Variants in KIAA0319L observed in about 807,000 individuals in gnomAD.
KIAA0319L encodes the protein KIAA0319 like.
In KIAA0319L, 55 loss-of-function variants were observed where a neutral mutation model predicts 120.1. The ratio of observed to expected loss-of-function variants is 0.46; its 90% CI spans 0.37 to 0.57. The LOEUF (loss-of-function observed/expected upper bound fraction) is 0.57, where lower values mean the gene tolerates loss of function less well. KIAA0319L is among the 20% of genes least tolerant of loss of function. The probability of loss-of-function intolerance (pLI) is 0.00; values close to 1 mark genes in which losing one functional copy is unlikely to be tolerated. For synonymous variants in KIAA0319L, 398 were observed against 471.9 expected, an observed-to-expected ratio of 0.84 and a Z score of 2.03; for missense variants, 1,049 against 1,255.3, an observed-to-expected ratio of 0.84 and a Z score of 2.48.
upstream of KIAA0319L, chr1:35,557,501 C>A (rs898520886): frequency 2.8e-6 from 1 of 357,928 alleles, no homozygotes; most frequent in South Asian, 2.0e-5. Context: ...ATGCCGGCCG[C>A]GAGACCAAGG....
Position 35,437,666 on chromosome 1 carries a change from G to C in KIAA0319L, c.2963-2585C>G, listed in dbSNP as rs1045551861. 1.3e-5 allele frequency among the ~76,000 whole-genome samples: 2 copies of C among 152,024 alleles called. No individual in the cohort carries two copies. Among genetic ancestry groups the C allele is most frequent in the Non-Finnish European group, 2.9e-5 (2 of 68,022 alleles). The stretch of plus-strand genomic sequence containing the variant: ...GGCCTTTGCAGCAGCAAACACCGAC[G>C]GCTGTCCCCTAATGAATCCCCTCCT... On this transcript the variant is annotated intron_variant, in intron 20 of 20. Coordinates refer to ENST00000325722, the MANE Select transcript of KIAA0319L (RefSeq NM_024874.5). This position sits in a 1 kb window ranked among gnomAD's most constrained non-coding sequence, Gnocchi z 4.1.
intron 5 of KIAA0319L, 53 bp from the exon 6 acceptor site, chr1:35,471,013 G>T: frequency 9.9e-7 from 1 of 1,011,840 alleles, no homozygotes. Flanking sequence ...CACACAAAGA[G>T]GACAGCCACA....
At chr1:35,538,831 T>C (rs995532624) in intron 2 of KIAA0319L, among the ~76,000 whole-genome samples, 3 of 152,078 alleles carry the variant, frequency 2.0e-5, no homozygotes, top group African/African-American at 7.2e-5. Flanking sequence ...TTTTTTCTTA[T>C]ACCTCCATTT....
At chr1:35,443,395 G>A (rs2149076914) in intron 17 of KIAA0319L, 2 of 185,940 alleles carry the variant, frequency 1.1e-5, no homozygotes, top group Admixed American at 5.6e-5. Flanking sequence ...AGACAGGCTG[G>A]GCATGGTAGC....
At chr1:35,504,111 C>T (rs1456406639) in intron 3 of KIAA0319L, among the ~76,000 whole-genome samples, 1 of 151,752 alleles carries the variant, frequency 6.6e-6, no homozygotes, top group Non-Finnish European at 1.5e-5. Context: ...GTCTTGAACT[C>T]CTGACCTCAA....
intron 7 of KIAA0319L, 44 bp from the exon 8 acceptor site, chr1:35,462,757 A>C (rs1256540981): frequency 1.4e-6 from 2 of 1,406,550 alleles, no homozygotes; most frequent in East Asian, 4.6e-5. Context: ...GAGGCTTCAG[A>C]AATTACAGGA....
chr1:35,518,546 T>C lies in KIAA0319L; in HGVS notation c.143-11411A>G, dbSNP rs1043927985. Among the ~76,000 whole-genome samples the C allele has an allele frequency of 2.0e-5, 3 of 152,032 alleles. No homozygotes were observed. The South Asian group carries it at 6.2e-4, about 32-fold the overall frequency. On this transcript the variant is annotated intron_variant, in intron 2 of 20. Coordinates refer to ENST00000325722, the MANE Select transcript of KIAA0319L (RefSeq NM_024874.5). ...AAGAAGGGAACAACAGACACTGGAATCTACTTGAGGGTAGAGGTGAGAGGA... is the reference window on the plus strand; with the variant it reads ...AAGAAGGGAACAACAGACACTGGAACCTACTTGAGGGTAGAGGTGAGAGGA...
At chr1:35,554,757 CTTT>C (rs374790287) in intron 1 of KIAA0319L, 96 of 223,082 alleles carry the variant, frequency 4.3e-4, no homozygotes, top group Non-Finnish European at 5.5e-4. Flanking sequence ...CTTTATATTC[CTTT>C]TTTTTTTTTT....
At position 35,505,698 on chromosome 1, in the gene KIAA0319L, AG is replaced by A. The variant is rs369956430; in HGVS notation, c.666+913del. 5.1e-4 allele frequency among the ~76,000 whole-genome samples: 78 copies of A among 152,318 alleles called. 1 individual carries two copies. The highest frequency in any genetic ancestry group is 1.8e-3 in the African/African-American group (76 of 41,570). Reference sequence around the variant, plus strand: ...ATTGTTCTCTAATACTGCACTAAAAAGTTTTTTTCTTAATATTAAATCTGGG... The same window carrying A: ...ATTGTTCTCTAATACTGCACTAAAAATTTTTTTCTTAATATTAAATCTGGG... On this transcript the variant is annotated intron_variant, in intron 3 of 20. Coordinates refer to ENST00000325722, the MANE Select transcript of KIAA0319L (RefSeq NM_024874.5).
At chr1:35,505,195 G>A (rs1645163034) in intron 3 of KIAA0319L, among the ~76,000 whole-genome samples, 1 of 152,070 alleles carries the variant, frequency 6.6e-6, no homozygotes, top group African/African-American at 2.4e-5. Flanking sequence ...TTCCTTGCCA[G>A]AGTATAAGCC....
chr1:35,551,537 T>C (rs1647201337), intron 2 of KIAA0319L, among the ~76,000 whole-genome samples: 3 of 152,286 alleles, frequency 2.0e-5, no homozygotes, highest in South Asian at 4.1e-4. Context: ...CAGGGTGGTC[T>C]TGAACTCCTA....
chr1:35,500,040 A>G (rs1166519874), intron 3 of KIAA0319L, among the ~76,000 whole-genome samples: 3 of 152,146 alleles, frequency 2.0e-5, no homozygotes, highest in African/African-American at 7.2e-5. Context: ...TATTTGTTCC[A>G]CAGAAAGCCA....
intron 3 of KIAA0319L, among the ~76,000 whole-genome samples, chr1:35,492,545 A>G (rs943495607): frequency 8.6e-5 from 13 of 151,778 alleles, no homozygotes; most frequent in African/African-American, 3.1e-4. Flanking sequence ...TAATAATAAT[A>G]ATAATATCAT....
At chr1:35,455,765 G>A (rs190528132) in intron 10 of KIAA0319L, among the ~76,000 whole-genome samples, 1 of 151,946 alleles carries the variant, frequency 6.6e-6, no homozygotes, top group Admixed American at 6.6e-5. Context: ...ATCTTTAGTA[G>A]AGACGGGGTT....
chr1:35,529,194 A>C (rs923045734), intron 2 of KIAA0319L, among the ~76,000 whole-genome samples: 4 of 152,222 alleles, frequency 2.6e-5, no homozygotes, highest in African/African-American at 9.6e-5. Context: ...ATGCGTCCAC[A>C]TGACTGGACC....
chr1:35,508,596 T>TA (rs889911191), intron 2 of KIAA0319L, among the ~76,000 whole-genome samples: 15 of 149,344 alleles, frequency 1.0e-4, no homozygotes, highest in South Asian at 2.1e-4. Flanking sequence ...AGAACTCCCT[T>TA]AAAAAAAAAG....
At chr1:35,554,108 A>T (rs989148461) in intron 2 of KIAA0319L, among the ~76,000 whole-genome samples, 10 of 152,232 alleles carry the variant, frequency 6.6e-5, no homozygotes, top group African/African-American at 1.2e-4. Flanking sequence ...GTTGACTTTT[A>T]TCAAGTCTTA....
intron 2 of KIAA0319L, among the ~76,000 whole-genome samples, chr1:35,530,630 T>C (rs562473033): frequency 6.6e-6 from 1 of 152,354 alleles, no homozygotes; most frequent in African/African-American, 2.4e-5. Flanking sequence ...CTTTTGGAGA[T>C]ACCATATTTC....
chr1:35,490,367 G>A (rs1644547179), intron 3 of KIAA0319L, among the ~76,000 whole-genome samples: 1 of 152,130 alleles, frequency 6.6e-6, no homozygotes, highest in South Asian at 2.1e-4. Flanking sequence ...ATCACTGTTT[G>A]CAAATAATTT....
Sources: gnomAD v4.1 joint callset for allele counts (sites outside exome capture counted in the v4.1 genomes callset) on GRCh38, gnomAD v4.1.1 for gene constraint, Gnocchi (gnomAD v3.1) non-coding constraint, MANE v1.5 for transcripts, NCBI Gene and HGNC (gene_info 2026-07-23, HGNC 2026-07-21) for gene names.